Variants in PDE4D observed in about 807,000 individuals in gnomAD.
PDE4D encodes the protein phosphodiesterase 4D, also known as 3',5'-cyclic-AMP phosphodiesterase 4D.
PDE4D carries 24 observed loss-of-function variants against 87.4 expected under a neutral mutation model. The ratio of observed to expected loss-of-function variants is 0.27; its 90% CI spans 0.20 to 0.39. The LOEUF (loss-of-function observed/expected upper bound fraction) is 0.39, where lower values mean the gene tolerates loss of function less well. Among genes scored for constraint, PDE4D ranks in the 10% least tolerant of loss-of-function variants. The pLI, the probability that PDE4D is intolerant of heterozygous loss-of-function variation, is 1.00. For synonymous variants in PDE4D, 384 were observed against 383.2 expected (o/e 1.00, Z -0.02); for missense variants, 714 against 1,041.0 (o/e 0.69, Z 4.32).
At position 60,090,147 on chromosome 5, in the gene PDE4D, AATACTTCTAAACT is replaced by A. The variant is rs368739647; in HGVS notation, c.42+95397_42+95409del. Among the ~76,000 whole-genome samples, 1,164 of 152,206 alleles carry A rather than the reference AATACTTCTAAACT, an allele frequency of 7.6e-3. 13 individuals are homozygous for A. Among genetic ancestry groups the A allele is most frequent in the African/African-American group, 0.027 (1,108 of 41,556 alleles). On this transcript the variant is annotated intron_variant, in intron 2 of 16. Coordinates refer to the PDE4D transcript ENST00000502484. ...GTTTCAAAAAAATTGAAGAGAAGGG[AATACTTCTAAACT>A]ATACTTCTAAACTCATCCTAAAAGG...
intron 1 of PDE4D, among the ~76,000 whole-genome samples, chr5:59,611,285 C>CA (rs1828972435): frequency 6.6e-6 from 1 of 152,136 alleles, no homozygotes; most frequent in South Asian, 2.1e-4. Context: ...AGGCTTCTTT[C>CA]ATAAGGGCAC....
At chr5:59,845,108 G>C (rs774734100) in intron 1 of PDE4D, among the ~76,000 whole-genome samples, 3 of 152,042 alleles carry the variant, frequency 2.0e-5, no homozygotes, top group Non-Finnish European at 2.9e-5. Context: ...GCTTGAAAGA[G>C]GACCCTGAGC....
chr5:60,515,460 G>C (rs1369950519), intron 1 of PDE4D, among the ~76,000 whole-genome samples: 1 of 152,030 alleles, frequency 6.6e-6, no homozygotes, highest in African/African-American at 2.4e-5. Flanking sequence ...CTAATACATG[G>C]TGTTATAAGT....
chr5:59,359,060 G>T (rs892755106), intron 1 of PDE4D, among the ~76,000 whole-genome samples: 6 of 152,118 alleles, frequency 3.9e-5, no homozygotes, highest in Non-Finnish European at 5.9e-5. Context: ...TTTTTAAAGG[G>T]ATATTCAAAT....
chr5:59,704,889 A>T (rs1377856233), intron 1 of PDE4D, among the ~76,000 whole-genome samples: 3 of 152,216 alleles, frequency 2.0e-5, no homozygotes, highest in Non-Finnish European at 2.9e-5. Context: ...TTTCCTTTGA[A>T]ATATGTGTGT....
intron 2 of PDE4D, among the ~76,000 whole-genome samples, chr5:60,152,702 C>A (rs1012110987): frequency 6.6e-6 from 1 of 150,606 alleles, no homozygotes; most frequent in African/African-American, 2.4e-5. Context: ...CCACCTGATT[C>A]TGGGTTTTCT....
chr5:59,522,257 A>C (rs1179778285), intron 1 of PDE4D, among the ~76,000 whole-genome samples: 1 of 152,208 alleles, frequency 6.6e-6, no homozygotes, highest in East Asian at 1.9e-4. Context: ...TATGAGGAAA[A>C]TTAAATTTAA....
intron 2 of PDE4D, among the ~76,000 whole-genome samples, chr5:60,184,883 G>A (rs974205321): frequency 7.2e-5 from 11 of 152,116 alleles, no homozygotes; most frequent in Admixed American, 2.0e-4. Context: ...TGTTCTTAGC[G>A]CTTGCTTGAT....
intron 1 of PDE4D, among the ~76,000 whole-genome samples, chr5:59,278,555 T>A (rs546354262): frequency 5.3e-5 from 8 of 152,238 alleles, no homozygotes; most frequent in African/African-American, 7.2e-5. Context: ...ATCAAATGAC[T>A]ATGTCATTTG....
intron 1 of PDE4D, among the ~76,000 whole-genome samples, chr5:59,511,763 CT>C (rs1386935206): frequency 2.6e-5 from 4 of 151,980 alleles, no homozygotes; most frequent in Non-Finnish European, 5.9e-5. Context: ...CCTGCTGTAT[CT>C]TTATAATGAA....
At chr5:60,227,802 C>T (rs1745304834) in intron 1 of PDE4D, among the ~76,000 whole-genome samples, 1 of 152,106 alleles carries the variant, frequency 6.6e-6, no homozygotes, top group African/African-American at 2.4e-5. Flanking sequence ...TGATCTTCAG[C>T]TGATCTCTTA....
At chr5:59,478,020 A>G (rs1384852412) in intron 1 of PDE4D, among the ~76,000 whole-genome samples, 3 of 152,008 alleles carry the variant, frequency 2.0e-5, no homozygotes, top group Non-Finnish European at 4.4e-5. Context: ...ACATGGGAAC[A>G]ACAGATACTG....
At chr5:59,959,524 T>G (rs555643845) in intron 3 of PDE4D, among the ~76,000 whole-genome samples, 1 of 152,070 alleles carries the variant, frequency 6.6e-6, no homozygotes, top group South Asian at 2.1e-4. Context: ...CATAGACCAA[T>G]GAAACAGAAT....
chr5:58,991,941 G>A lies in PDE4D; in HGVS notation c.1079C>T (p.Pro360Leu). The change falls in exon 8 of 15, where the codon CCA (proline) becomes CTA (leucine). Residue 360 changes from proline to leucine, a missense_variant. Physicochemically the swap from Pro to Leu is moderately conservative, Grantham distance 98 (BLOSUM62 -3). Around this residue, in one of 7 missense-constraint regions of PDE4D, gnomAD observed 141 missense variants for 204.3 expected, o/e 0.69. Coordinates refer to ENST00000340635, the MANE Select transcript of PDE4D (RefSeq NM_001104631.2). ...CTTGACTCCACTGATCTGAGACATT[G>A]GTCTTTTCTTTTTCTCCTTTTCCTT... ...TQKEKEKKKR[P>L]MSQISGVKKL... is the part of the protein sequence containing the mutation. 6.2e-7 allele frequency: 1 copy of A among 1,603,182 alleles called. No individual in the cohort carries two copies.
intron 1 of PDE4D, among the ~76,000 whole-genome samples, chr5:59,527,612 A>G (rs934111061): frequency 1.3e-5 from 2 of 152,224 alleles, no homozygotes; most frequent in African/African-American, 4.8e-5. Flanking sequence ...AGGTATCTCC[A>G]GCTGAAAGAA....
At chr5:59,390,031 G>A (rs893322813) in intron 1 of PDE4D, among the ~76,000 whole-genome samples, 1 of 152,084 alleles carries the variant, frequency 6.6e-6, no homozygotes, top group Non-Finnish European at 1.5e-5. Context: ...AATCGTTTGA[G>A]GTGATGGTTA....
rs138297866 is a variant in PDE4D at position 59,156,309 on chromosome 5, G to GAAAAAA, written c.808+24280_808+24285dup. 4.3e-3 allele frequency among the ~76,000 whole-genome samples: 225 copies of GAAAAAA among 52,818 alleles called. 1 individual carries two copies. Among genetic ancestry groups the GAAAAAA allele is most frequent in the South Asian group, 0.01 (22 of 2,144 alleles). The allele number at this position is 52,818 out of a possible 152,430, so 34.7% of individuals were successfully genotyped here. On this transcript the variant is annotated intron_variant, in intron 5 of 14. Coordinates refer to ENST00000340635, the MANE Select transcript of PDE4D (RefSeq NM_001104631.2). The stretch of plus-strand genomic sequence containing the variant: ...AAATCCCTGAACTAGAGACTTGCCA[G>GAAAAAA]AAAAAAAAAAAATATATATATATGT...
At chr5:59,770,238 A>C (rs940013118) in intron 1 of PDE4D, among the ~76,000 whole-genome samples, 1 of 152,266 alleles carries the variant, frequency 6.6e-6, no homozygotes, top group South Asian at 2.1e-4. Flanking sequence ...TGTATTGTCT[A>C]TATATATACT....
intron 2 of PDE4D, among the ~76,000 whole-genome samples, chr5:60,082,028 A>G (rs1314479174): frequency 1.3e-5 from 2 of 152,124 alleles, no homozygotes; most frequent in Non-Finnish European, 2.9e-5. Flanking sequence ...ATTCCTCACT[A>G]TAGCAGTACC....
Sources: allele counts gnomAD v4.1 joint callset (sites outside exome capture counted in the v4.1 genomes callset), GRCh38; gene constraint gnomAD v4.1.1; regional missense constraint gnomAD v4.1.1; transcripts MANE v1.5; gene names NCBI Gene and HGNC (gene_info 2026-07-23, HGNC 2026-07-21).